Variants in CLNK observed in about 807,000 individuals in gnomAD.
The protein encoded by CLNK is cytokine-dependent hematopoietic cell linker.
In CLNK, 74 loss-of-function variants were observed where a neutral mutation model predicts 68.6. That is an observed-to-expected ratio of 1.08 (90% CI 0.89 to 1.31). The LOEUF is 1.31. Among genes scored for constraint, CLNK ranks in the 50% most tolerant of loss-of-function variants. The probability of loss-of-function intolerance (pLI) is 0.00; values close to 1 mark genes in which losing one functional copy is unlikely to be tolerated. For synonymous variants in CLNK, 198 were observed against 172.2 expected (o/e 1.15, Z -1.17); for missense variants, 553 against 515.3 (o/e 1.07, Z -0.71).
chr4:10,513,977 T>G (rs992236910), intron 15 of CLNK, among the ~76,000 whole-genome samples: 2 of 141,250 alleles, frequency 1.4e-5, no homozygotes, highest in African/African-American at 5.2e-5. Context: ...CATCTAGCAT[T>G]AGGTATATCT....
upstream of CLNK, among the ~76,000 whole-genome samples, chr4:10,687,819 A>G (rs1725321776): frequency 6.6e-6 from 1 of 152,122 alleles, no homozygotes; most frequent in South Asian, 2.1e-4. Flanking sequence ...TCTTTGGGTG[A>G]TAATTCATTT....
At chr4:10,640,787 G>C (rs1021413730) in intron 2 of CLNK, among the ~76,000 whole-genome samples, 1 of 152,174 alleles carries the variant, frequency 6.6e-6, no homozygotes, top group African/African-American at 2.4e-5. Flanking sequence ...CCTTGCCCAG[G>C]AACTGTCCTT....
At chr4:10,618,124 C>A (rs1186022094) in intron 2 of CLNK, among the ~76,000 whole-genome samples, 1 of 152,128 alleles carries the variant, frequency 6.6e-6, no homozygotes, top group South Asian at 2.1e-4. Flanking sequence ...GAAAACAACC[C>A]AAATGCCTAT....
At chr4:10,531,842 G>C (rs1718557085) in intron 12 of CLNK, 2 of 462,252 alleles carry the variant, frequency 4.3e-6, no homozygotes, top group Non-Finnish European at 8.7e-6. Context: ...TTCCTACCCA[G>C]GTCTTGTGCA....
At chr4:10,710,626 A>G in the CLNK span, among the ~76,000 whole-genome samples, 2 of 152,200 alleles carry the variant, frequency 1.3e-5, no homozygotes, top group African/African-American at 4.8e-5. Context: ...TGTTGCTTTG[A>G]GAGCAAAGGA....
intron 3 of CLNK, among the ~76,000 whole-genome samples, chr4:10,588,435 G>T (rs984950258): frequency 6.6e-6 from 1 of 152,112 alleles, no homozygotes; most frequent in African/African-American, 2.4e-5. Context: ...AGTGGCTAGC[G>T]GGTTGTTCCC....
chr4:10,567,234 T>C (rs747487351), intron 5 of CLNK, among the ~76,000 whole-genome samples: 1 of 151,976 alleles, frequency 6.6e-6, no homozygotes, highest in East Asian at 1.9e-4. Context: ...GGTAGTAAGA[T>C]AGATGTGCGG....
At chr4:10,596,137 T>G (rs1216378586) in intron 3 of CLNK, among the ~76,000 whole-genome samples, 1 of 152,244 alleles carries the variant, frequency 6.6e-6, no homozygotes, top group Non-Finnish European at 1.5e-5. Flanking sequence ...GTGATTCTCC[T>G]GCCTCAGCCT....
chr4:10,507,760 G>A (rs1450182605), intron 17 of CLNK, among the ~76,000 whole-genome samples, 199 bp downstream of exon 17: 1 of 152,090 alleles, frequency 6.6e-6, no homozygotes, highest in Non-Finnish European at 1.5e-5. Flanking sequence ...AGGATTACAG[G>A]TGTGAGCCAC....
intron 2 of CLNK, among the ~76,000 whole-genome samples, chr4:10,655,965 T>A (rs1020412578): frequency 6.6e-6 from 1 of 151,902 alleles, no homozygotes; most frequent in Admixed American, 6.6e-5. Context: ...ATTTTTAATA[T>A]ATAGAGCCGG....
At chr4:10,671,259 G>A (rs75415451) in intron 1 of CLNK, among the ~76,000 whole-genome samples, 8 of 151,986 alleles carry the variant, frequency 5.3e-5, no homozygotes, top group African/African-American at 1.2e-4. Context: ...GGTGGTGGGC[G>A]CCTATAATCC....
chr4:10,623,985 G>C (rs1301307503), intron 2 of CLNK, among the ~76,000 whole-genome samples: 1 of 152,242 alleles, frequency 6.6e-6, no homozygotes, highest in Non-Finnish European at 1.5e-5. Flanking sequence ...CGTGTTTAAC[G>C]TGAAACGTGA....
At chr4:10,624,029 T>G (rs751639060) in intron 2 of CLNK, among the ~76,000 whole-genome samples, 1 of 152,236 alleles carries the variant, frequency 6.6e-6, no homozygotes, top group Admixed American at 6.5e-5. Flanking sequence ...GGTGTCCCAG[T>G]GACGGCAACA....
rs528312669 is a variant in CLNK at position 10,570,607 on chromosome 4, C to T, written c.150+1134G>A. Among the ~76,000 whole-genome samples the T allele has an allele frequency of 2.6e-5, 4 of 152,008 alleles. No individual in the cohort carries two copies. In the South Asian group the frequency reaches 8.3e-4, roughly 32 times the overall value. On this transcript the variant is annotated intron_variant, in intron 5 of 18. Transcript: ENST00000226951. ...TGTTTGTATGTTTCTGGGTAAGGGT[C>T]CATAAGCTTTAGTTAGATTCTTAAA...
At chr4:10,581,945 T>C (rs138545873) in intron 4 of CLNK, among the ~76,000 whole-genome samples, 11 of 152,324 alleles carry the variant, frequency 7.2e-5, no homozygotes, top group South Asian at 2.1e-4. Flanking sequence ...TGAATTGGAA[T>C]TATCTTGTTA....
At chr4:10,653,033 C>A (rs767579000) in intron 2 of CLNK, among the ~76,000 whole-genome samples, 4 of 152,170 alleles carry the variant, frequency 2.6e-5, no homozygotes, top group Non-Finnish European at 5.9e-5. Flanking sequence ...AGTTCATATC[C>A]TTTGCAGGGA....
chr4:10,545,774 G>T (rs1195694979), intron 8 of CLNK, among the ~76,000 whole-genome samples: 1 of 152,156 alleles, frequency 6.6e-6, no homozygotes, highest in African/African-American at 2.4e-5. Context: ...AAATCTGGTT[G>T]GAGGTTGCTG....
At chr4:10,707,481 A>T in the CLNK span, among the ~76,000 whole-genome samples, 1 of 152,234 alleles carries the variant, frequency 6.6e-6, no homozygotes, top group Non-Finnish European at 1.5e-5. Flanking sequence ...AGTCACTTCA[A>T]GATATTCCAC....
chr4:10,665,425 G>A (rs1454161980), intron 2 of CLNK, among the ~76,000 whole-genome samples: 1 of 152,128 alleles, frequency 6.6e-6, no homozygotes, highest in Non-Finnish European at 1.5e-5. Flanking sequence ...CAGCACTTTG[G>A]GAGGCCGAGG....
Sources: allele counts gnomAD v4.1 joint callset (sites outside exome capture counted in the v4.1 genomes callset), GRCh38; gene constraint gnomAD v4.1.1; transcripts MANE v1.5; gene names NCBI Gene and HGNC (gene_info 2026-07-23, HGNC 2026-07-21).